HERC5: variants seen among roughly 807,000 people sequenced by gnomAD.
HERC5 encodes the protein E3 ISG15--protein ligase HERC5.
Under a neutral mutation model 119.6 loss-of-function variants are expected in HERC5, and 99 were observed. The ratio of observed to expected loss-of-function variants is 0.83; its 90% CI spans 0.70 to 0.98. The LOEUF is 0.98. Among genes scored for constraint, HERC5 ranks in the 50% least tolerant of loss-of-function variants. The pLI is 0.00. For synonymous variants in HERC5, 478 were observed against 445.9 expected (o/e 1.07, Z -0.91); for missense variants, 1,267 against 1,241.3 (o/e 1.02, Z -0.31).
At chr4:88,468,265 A>C in intron 7 of HERC5, 81 bp from the exon 8 acceptor site, 1 of 959,190 alleles carries the variant, frequency 1.0e-6, no homozygotes, top group Non-Finnish European at 1.6e-6. Flanking sequence ...GTTTAAGAAG[A>C]ATCTGAAGTT....
At chr4:88,483,642 C>T (rs944195981) in intron 13 of HERC5, among the ~76,000 whole-genome samples, 6 of 151,032 alleles carry the variant, frequency 4.0e-5, no homozygotes, top group Non-Finnish European at 8.8e-5. Context: ...TATCGTCGTG[C>T]CTCAGCTTCC....
In HERC5 at chr4:88,463,993, G is replaced by T; in HGVS notation, c.911+8G>T. The T allele has an allele frequency of 6.2e-7, 1 of 1,609,814 alleles. No homozygotes were observed. The highest frequency in any genetic ancestry group is 8.5e-7 in the Non-Finnish European group (1 of 1,178,354). On this transcript the variant is annotated splice_region_variant and intron_variant, in intron 6 of 22. Coordinates refer to ENST00000264350, the MANE Select transcript of HERC5 (RefSeq NM_016323.4). ...TCAGATAGCATGTGGAAGGTAAGTTGTAAAGTATCAATAAGAATTGATAAA... is the reference window on the plus strand; with the variant it reads ...TCAGATAGCATGTGGAAGGTAAGTTTTAAAGTATCAATAAGAATTGATAAA...
At chr4:88,462,440 C>G (rs1198225798) in intron 4 of HERC5, 84 bp downstream of exon 4, 15 of 1,115,270 alleles carry the variant, frequency 1.3e-5, no homozygotes, top group Non-Finnish European at 1.9e-5. Flanking sequence ...AAAAATGGTT[C>G]AAATCTTCAC....
rs776734416 is a variant in HERC5, at chr4:88,472,454, A to C, written c.1344A>C (p.Ala448=). Residue 448 remains alanine (A), a synonymous_variant, in exon 11 of 23, where the codon GCA becomes GCC. Transcript: ENST00000264350. ...MMPVYLDLNK[A]RNIFKELTQK... ...CTGTTTATTTGGACTTAAATAAAGC[A>C]AGAAACATCTTCAAGGAGTTAACCC... 1 of 1,603,806 alleles carries C rather than the reference A, an allele frequency of 6.2e-7. No individual in the cohort carries two copies. Among genetic ancestry groups the C allele is most frequent in the Admixed American group, 1.7e-5 (1 of 59,514 alleles).
chr4:88,482,136 C>T (rs989418864), intron 13 of HERC5, among the ~76,000 whole-genome samples: 1 of 151,734 alleles, frequency 6.6e-6, no homozygotes, highest in Non-Finnish European at 1.5e-5. Flanking sequence ...ATAGTGAAAC[C>T]TCGTCTCTAC....
chr4:88,480,442 G>A (rs1349047429), intron 13 of HERC5, among the ~76,000 whole-genome samples: 1 of 141,954 alleles, frequency 7.0e-6, no homozygotes, highest in African/African-American at 2.5e-5. Flanking sequence ...ATTCTTGTGT[G>A]TGTTTTTTTT....
intron 7 of HERC5, among the ~76,000 whole-genome samples, chr4:88,467,422 A>G (rs1740710514): frequency 6.6e-6 from 1 of 152,234 alleles, no homozygotes. Context: ...GATTAATGTG[A>G]ATTTAAATGA....
chr4:88,494,118 A>C, intron 17 of HERC5, 47 bp from the exon 18 acceptor site: 1 of 1,153,078 alleles, frequency 8.7e-7, no homozygotes, highest in East Asian at 2.4e-5. Flanking sequence ...ATTTCATTGT[A>C]CTGGTAAAAA....
chr4:88,463,085 G>C (rs1481891650), intron 4 of HERC5, among the ~76,000 whole-genome samples: 2 of 152,124 alleles, frequency 1.3e-5, no homozygotes, highest in Non-Finnish European at 2.9e-5. Flanking sequence ...AGAATAAAGC[G>C]GCCATTAAAC....
At chr4:88,465,103 CG>C (rs1560599249) in intron 6 of HERC5, among the ~76,000 whole-genome samples, 2 of 152,156 alleles carry the variant, frequency 1.3e-5, no homozygotes, top group African/African-American at 2.4e-5. Flanking sequence ...TTAGTAGAGT[CG>C]GGGTTTCACC....
At position 88,504,130 on chromosome 4, in the gene HERC5, G is replaced by A. The variant is rs547085282; in HGVS notation, c.2583-102G>A. ...CTATGACAGTCCATGGCACATGGTA[G>A]GTACTCAATAACTGTTAGGTATTCT... On this transcript the variant is annotated intron_variant, in intron 20 of 22. Coordinates refer to ENST00000264350, the MANE Select transcript of HERC5 (RefSeq NM_016323.4). The A allele has an allele frequency of 1.7e-5, 12 of 693,624 alleles. No individual in the cohort carries two copies. In the East Asian group the frequency reaches 2.8e-4, roughly 16 times the overall value. 43.0% of individuals were successfully genotyped at this position (693,624 alleles called of 1,614,324 possible).
At chr4:88,466,191 A>G (rs1560599879) in intron 6 of HERC5, among the ~76,000 whole-genome samples, 1 of 151,890 alleles carries the variant, frequency 6.6e-6, no homozygotes, top group Non-Finnish European at 1.5e-5. Flanking sequence ...GGCTCAAGCA[A>G]TCCTCCTGCC....
chr4:88,505,938 G>A lies in HERC5; in HGVS notation c.*60G>A. ...TGTTATCGTTGTTGTTGTTGTTGTTGTTGTTGTTTCTCTACTTTGTTTTGT... is the reference window on the plus strand; with the variant it reads ...TGTTATCGTTGTTGTTGTTGTTGTTATTGTTGTTTCTCTACTTTGTTTTGT... On this transcript the variant is annotated 3_prime_UTR_variant, in exon 23 of 23. Coordinates refer to ENST00000264350, the MANE Select transcript of HERC5 (RefSeq NM_016323.4). 3 of 1,358,850 alleles carry A rather than the reference G, an allele frequency of 2.2e-6. No individual in the cohort carries two copies. The South Asian group carries it at 3.9e-5, about 18-fold the overall frequency. The allele number at this position is 1,358,850 out of a possible 1,614,324, so 84.2% of individuals were successfully genotyped here.
At chr4:88,491,325 A>G (rs1468294460) in intron 16 of HERC5, among the ~76,000 whole-genome samples, 2 of 152,180 alleles carry the variant, frequency 1.3e-5, no homozygotes, top group Non-Finnish European at 2.9e-5. Flanking sequence ...GTGACTGTCA[A>G]TCAGGAGAGA....
At position 88,494,489 on chromosome 4, in the gene HERC5, G is replaced by A. The variant is rs572871448; in HGVS notation, c.2444+158G>A. On this transcript the variant is annotated intron_variant, in intron 18 of 22. Transcript: ENST00000264350. ...ACAAGAATTGTTGGATGATAATTTC[G>A]TTTTCTAAAATTAGGAAGTGTTGAT... Among the ~76,000 whole-genome samples the A allele has an allele frequency of 9.1e-4, 139 of 152,258 alleles. 2 individuals are homozygous for A. The South Asian group carries it at 0.025, about 28-fold the overall frequency.
chr4:88,476,021 C>T lies in HERC5; in HGVS notation c.1573C>T (p.Leu525=). 1 of 1,613,072 alleles carries T rather than the reference C, an allele frequency of 6.2e-7. No individual in the cohort carries two copies. The highest frequency in any genetic ancestry group is 8.5e-7 in the Non-Finnish European group (1 of 1,179,636). Residue 525 remains leucine (L), a synonymous_variant, in exon 12 of 23, where the codon CTG becomes TTG. Coordinates refer to ENST00000264350, the MANE Select transcript of HERC5 (RefSeq NM_016323.4). Reference sequence around the variant, plus strand: ...TTGTAAAATGAGTGACCAGTCTTCACTGGTTCTGGGTAAGTTTGATCATTT... The same window carrying T: ...TTGTAAAATGAGTGACCAGTCTTCATTGGTTCTGGGTAAGTTTGATCATTT... The part of the protein sequence containing the change: ...VVCKMSDQSS[L]VLEEYWATLQ...
At chr4:88,502,456 G>A (rs967849657) in intron 20 of HERC5, among the ~76,000 whole-genome samples, 1 of 152,150 alleles carries the variant, frequency 6.6e-6, no homozygotes, top group South Asian at 2.1e-4. Flanking sequence ...TGGTGGTTCC[G>A]TGGGGCCAGG....
chr4:88,461,294 G>A (rs528378097), intron 3 of HERC5, among the ~76,000 whole-genome samples: 3 of 152,154 alleles, frequency 2.0e-5, no homozygotes, highest in Non-Finnish European at 4.4e-5. Context: ...AAACACACAA[G>A]CCCTGCCTTT....
rs767383075 is a variant in HERC5 at position 88,494,358 on chromosome 4, G to A, written c.2444+27G>A. The stretch of plus-strand genomic sequence containing the variant: ...TAAGTAAACAGAGTTCCTGAGAAAG[G>A]ACCCTTTCTAACATATATTTAGGCA... On this transcript the variant is annotated intron_variant, in intron 18 of 22. Transcript: ENST00000264350. 2.5e-6 allele frequency: 4 copies of A among 1,590,512 alleles called. No homozygotes were observed. The African/African-American group carries it at 4.1e-5, about 16-fold the overall frequency.
Sources: gnomAD v4.1 joint callset for allele counts (sites outside exome capture counted in the v4.1 genomes callset) on GRCh38, gnomAD v4.1.1 for gene constraint, MANE v1.5 for transcripts, NCBI Gene and HGNC (gene_info 2026-07-23, HGNC 2026-07-21) for gene names.